FXYD4: variants seen among roughly 807,000 people sequenced by gnomAD.
FXYD4 encodes the protein FXYD domain containing ion transport regulator 4.
A neutral mutation model predicts 18.3 loss-of-function variants in FXYD4; 14 were observed. The ratio of observed to expected loss-of-function variants is 0.77; its 90% CI spans 0.51 to 1.20. The LOEUF (loss-of-function observed/expected upper bound fraction) is 1.20. FXYD4 is among the 50% of genes most tolerant of loss of function. The probability of loss-of-function intolerance (pLI) is 0.00; values close to 1 mark genes in which losing one functional copy is unlikely to be tolerated. For missense variants in FXYD4, 99 were observed against 106.1 expected, an observed-to-expected ratio of 0.93 and a Z score of 0.29; for synonymous variants, 40 against 40.5, an observed-to-expected ratio of 0.99 and a Z score of 0.04.
At chr10:43,373,177 T>G (rs1412916139) in intron 2 of FXYD4, among the ~76,000 whole-genome samples, 1 of 152,044 alleles carries the variant, frequency 6.6e-6, no homozygotes, top group African/African-American at 2.4e-5. Flanking sequence ...GAATTCAGAC[T>G]GAGGGTGCTG....
intron 5 of FXYD4, 79 bp from the exon 6 acceptor site, chr10:43,375,420 G>C: frequency 1.8e-6 from 2 of 1,081,604 alleles, no homozygotes; most frequent in Non-Finnish European, 1.4e-6. Context: ...GCTGGCACAA[G>C]CAGGGGCTCA....
chr10:43,374,311 GC>G (rs1447620509), intron 3 of FXYD4, among the ~76,000 whole-genome samples, 158 bp from the exon 4 acceptor site: 1 of 152,218 alleles, frequency 6.6e-6, no homozygotes, highest in Non-Finnish European at 1.5e-5. Context: ...CTTGGGCGGG[GC>G]CACACCCTGA....
At chr10:43,375,780 G>C (rs773295294) in intron 7 of FXYD4, 46 bp downstream of exon 7, 15 of 1,586,210 alleles carry the variant, frequency 9.5e-6, no homozygotes, top group African/African-American at 2.7e-5. Flanking sequence ...GCAGAACTAC[G>C]GGGGGACAGT....
intron 7 of FXYD4, 107 bp downstream of exon 7, chr10:43,375,841 G>C: frequency 1.5e-6 from 2 of 1,321,178 alleles, no homozygotes; most frequent in Non-Finnish European, 2.2e-6. Context: ...GCTTGCAGCT[G>C]GCTTTGTTAT....
In FXYD4 at chr10:43,375,545, G is replaced by A; in HGVS notation, c.144G>A (p.Leu48=). ...QLSGLICGGL[L]AIAGIAAVLS... is the part of the protein sequence containing the mutation. ...GCGGACTGATCTGCGGAGGGCTCCT[G>A]GCCATTGCTGGGATCGCGGCAGTTC... is the stretch of plus-strand genomic sequence containing the variant. Residue 48 remains leucine, a synonymous_variant, in exon 6 of 9, where the codon CTG becomes CTA. Transcript: ENST00000476166. 2 of 1,614,088 alleles carry A rather than the reference G, an allele frequency of 1.2e-6. No individual in the cohort carries two copies. The highest frequency in any genetic ancestry group is 1.7e-6 in the Non-Finnish European group (2 of 1,179,998).
chr10:43,372,266 A>G (rs1034837525), intron 1 of FXYD4, among the ~76,000 whole-genome samples: 1 of 151,758 alleles, frequency 6.6e-6, no homozygotes, highest in Non-Finnish European at 1.5e-5. Flanking sequence ...CAGAAGGACC[A>G]TGTGTTTATT....
intron 3 of FXYD4, among the ~76,000 whole-genome samples, chr10:43,374,259 C>A (rs1462316931): frequency 1.3e-5 from 2 of 152,206 alleles, no homozygotes; most frequent in East Asian, 3.8e-4. Context: ...CCATCCCAGT[C>A]AGCATGCACA....
At chr10:43,372,135 T>A (rs1357343635) in intron 1 of FXYD4, among the ~76,000 whole-genome samples, 1 of 151,778 alleles carries the variant, frequency 6.6e-6, no homozygotes, top group Non-Finnish European at 1.5e-5. Flanking sequence ...TCCAGGTTGG[T>A]GAAGGTAGAG....
Position 43,373,619 on chromosome 10 carries a change from G to T in FXYD4, c.-128G>T, listed in dbSNP as rs1268337598. 10 of 734,836 alleles carry T rather than the reference G, an allele frequency of 1.4e-5. No homozygotes were observed. In the East Asian group the frequency reaches 2.5e-4, roughly 18 times the overall value. The allele number at this position is 734,836 out of a possible 1,614,324, so 45.5% of individuals were successfully genotyped here. On this transcript the variant is annotated 5_prime_UTR_variant, in exon 3 of 9. Coordinates refer to ENST00000476166, the MANE Select transcript of FXYD4 (RefSeq NM_173160.3). The stretch of plus-strand genomic sequence containing the variant: ...TTTGTACACCTACTTTCACCATGGG[G>T]CTCTGCCTGCCCCCGCCCCTGCCTC...
intron 5 of FXYD4, among the ~76,000 whole-genome samples, chr10:43,375,021 CTTTTTTTTTTTT>C (rs964746350): frequency 2.1e-5 from 2 of 93,564 alleles, no homozygotes; most frequent in East Asian, 2.9e-4. Context: ...ATGTCCACTT[CTTTTTTTTTTTT>C]TTTTTTTTTT....
chr10:43,373,702 GC>G lies in FXYD4; in HGVS notation c.-41del. 1 of 1,163,246 alleles carries G rather than the reference GC, an allele frequency of 8.6e-7. No individual in the cohort carries two copies. The highest frequency in any genetic ancestry group is 1.3e-6 in the Non-Finnish European group (1 of 776,186). The allele number at this position is 1,163,246 out of a possible 1,614,324, so 72.1% of individuals were successfully genotyped here. A position where few individuals can be genotyped will look rare whatever the true frequency, so the allele number is the denominator to read the frequency against. On this transcript the variant is annotated 5_prime_UTR_variant, in exon 3 of 9. It removes the in-frame stop codon of an upstream open reading frame in the 5' UTR. Transcript: ENST00000476166. Reference sequence around the variant, plus strand: ...GCAGATCCGTGGGCTGCAGACCCCCGCCCCAGTGCCTCTCCCCCTGCAGCCC... The same window carrying G: ...GCAGATCCGTGGGCTGCAGACCCCCGCCCAGTGCCTCTCCCCCTGCAGCCC...
chr10:43,373,934 A>G, intron 3 of FXYD4, 151 bp downstream of exon 3: 1 of 725,880 alleles, frequency 1.4e-6, no homozygotes, highest in Non-Finnish European at 2.5e-6. Flanking sequence ...AGGAAATGAC[A>G]GTACAGGTAG....
At chr10:43,372,924 G>T (rs1030868402) in intron 2 of FXYD4, among the ~76,000 whole-genome samples, 152 bp downstream of exon 2, 1 of 152,102 alleles carries the variant, frequency 6.6e-6, no homozygotes, top group African/African-American at 2.4e-5. Context: ...GGGCTGGGAG[G>T]GGGCCTGCGC....
rs1244997913 is a variant in FXYD4, at chr10:43,373,780, G to A, written c.34G>A (p.Ala12Thr). The A allele has an allele frequency of 1.2e-6, 2 of 1,606,690 alleles. No individual in the cohort carries two copies. The highest frequency in any genetic ancestry group is 3.3e-5 in the Admixed American group (2 of 60,006). The change falls in exon 3 of 9, where the codon GCA becomes ACA. Residue 12 changes from alanine (A) to threonine (T), a missense_variant. Physicochemically the swap from Ala to Thr is moderately conservative, Grantham distance 58. Coordinates refer to ENST00000476166, the MANE Select transcript of FXYD4 (RefSeq NM_173160.3). ...ERVTLALLLL[A>T]GLTALEANDP... ...AGTGACCCTGGCCCTTCTCCTACTG[G>A]CAGGTGAGTCCTCCCAGTCTCCTGG...
chr10:43,375,100 C>T (rs867942142), intron 5 of FXYD4, among the ~76,000 whole-genome samples: 1 of 143,482 alleles, frequency 7.0e-6, no homozygotes, highest in Non-Finnish European at 1.5e-5. Flanking sequence ...GATCTCGGGT[C>T]ACTGCAACCT....
rs540915319 is a variant in FXYD4 at position 43,372,001 on chromosome 10, C to T, written c.-279+304C>T. Among the ~76,000 whole-genome samples the T allele has an allele frequency of 9.3e-5, 14 of 150,176 alleles. No individual in the cohort carries two copies. The South Asian group carries it at 2.1e-3, about 23-fold the overall frequency. ...TCAAGGCTGCAGTGAGCCGAGATCA[C>T]GCCACTGCTCTCCATCCTGGGTAAC... On this transcript the variant is annotated intron_variant, in intron 1 of 8. Coordinates refer to ENST00000476166, the MANE Select transcript of FXYD4 (RefSeq NM_173160.3).
rs574918737 is a variant in FXYD4, at chr10:43,375,171, C to T, written c.98-328C>T. ...CCTCTCGAGTAGCTGGGACTACAGG[C>T]GCCTGCCGCCACGCCTAGCTAATTT... On this transcript the variant is annotated intron_variant, in intron 5 of 8. Coordinates refer to ENST00000476166, the MANE Select transcript of FXYD4 (RefSeq NM_173160.3). Among the ~76,000 whole-genome samples the T allele has an allele frequency of 3.3e-5, 5 of 151,870 alleles. No individual in the cohort carries two copies. In the South Asian group the frequency reaches 6.3e-4, roughly 19 times the overall value.
In FXYD4 at chr10:43,376,162, G is replaced by A; in HGVS notation, c.266G>A (p.Cys89Tyr). Residue 89 changes from cysteine (C) to tyrosine (Y), a missense_variant, in exon 9 of 9, where the codon TGC (cysteine) becomes TAC (tyrosine). Physicochemically the swap from Cys to Tyr is radical, Grantham distance 194. Transcript: ENST00000476166. ...PLITPGSATT[C>Y] is the part of the protein sequence containing the mutation. ...CTCTCCGCAGGCTCTGCCACTACTT[G>A]CTGAGCACAGGACTGGCCTCCAGGG... 6.2e-7 allele frequency: 1 copy of A among 1,613,756 alleles called. No homozygotes were observed. The highest frequency in any genetic ancestry group is 8.5e-7 in the Non-Finnish European group (1 of 1,179,986).
At position 43,374,503 on chromosome 10, in the gene FXYD4, G is replaced by C; in HGVS notation, c.70+1G>C. The stretch of plus-strand genomic sequence containing the variant: ...GCCTTGGAAGCCAATGACCCATTTG[G>C]TGAGTGAGGCCCCCAAACAGCCTGC... On this transcript the variant is annotated splice_donor_variant, in intron 4 of 8. Coordinates refer to ENST00000476166, the MANE Select transcript of FXYD4 (RefSeq NM_173160.3). LOFTEE classifies it high-confidence loss of function. 1 of 1,614,080 alleles carries C rather than the reference G, an allele frequency of 6.2e-7. No individual in the cohort carries two copies. Among genetic ancestry groups the C allele is most frequent in the Non-Finnish European group, 8.5e-7 (1 of 1,179,978 alleles).
Sources: gnomAD v4.1 joint callset for allele counts (sites outside exome capture counted in the v4.1 genomes callset) on GRCh38, gnomAD v4.1.1 for gene constraint, MANE v1.5 for transcripts, NCBI Gene and HGNC (gene_info 2026-07-23, HGNC 2026-07-21) for gene names.